MYO6: variants seen among roughly 807,000 people sequenced by gnomAD.
MYO6 encodes myosin VI.
Under a neutral mutation model 178.7 loss-of-function variants are expected in MYO6, and 74 were observed. The ratio of observed to expected loss-of-function variants is 0.41; its 90% CI spans 0.34 to 0.50. The LOEUF is 0.50. MYO6 is among the 20% of genes least tolerant of loss of function. The pLI, the probability that MYO6 is intolerant of heterozygous loss-of-function variation, is 0.09. For missense variants in MYO6, 1,330 were observed against 1,547.4 expected, an observed-to-expected ratio of 0.86 and a Z score of 2.36; for synonymous variants, 477 against 504.6, an observed-to-expected ratio of 0.95 and a Z score of 0.73.
At chr6:75,808,525 G>A (rs776273030) in intron 1 of MYO6, among the ~76,000 whole-genome samples, 1 of 152,088 alleles carries the variant, frequency 6.6e-6, no homozygotes, top group Non-Finnish European at 1.5e-5. Flanking sequence ...TATGAATTTG[G>A]GGGGAACAAA....
rs537613798 is a variant in MYO6 at position 75,876,666 on chromosome 6, C to A, written c.2078-3154C>A. ...CTGATGAATGCTTTAGCTAGGATTC[C>A]TCTTTCAATAAGCAGTATATTTCAA... On this transcript the variant is annotated intron_variant, in intron 20 of 34. Coordinates refer to ENST00000369977, the MANE Select transcript of MYO6 (RefSeq NM_004999.4). Among the ~76,000 whole-genome samples, 11 of 152,242 alleles carry A rather than the reference C, an allele frequency of 7.2e-5. No individual in the cohort carries two copies. The South Asian group carries it at 2.3e-3, about 32-fold the overall frequency.
chr6:75,910,689 T>G (rs1371009353), intron 32 of MYO6, among the ~76,000 whole-genome samples: 1 of 152,156 alleles, frequency 6.6e-6, no homozygotes, highest in Non-Finnish European at 1.5e-5. Context: ...CTCTGAAAAG[T>G]ACTTTTTTTT....
chr6:75,841,486 C>T (rs970354539), intron 9 of MYO6, 108 bp downstream of exon 9: 55 of 1,048,570 alleles, frequency 5.2e-5, no homozygotes, highest in Middle Eastern at 6.2e-4. Context: ...CCTGGGAGTT[C>T]GAGAGCAGCC....
intron 3 of MYO6, among the ~76,000 whole-genome samples, chr6:75,826,062 A>G (rs1444233720): frequency 6.6e-6 from 1 of 152,200 alleles, no homozygotes; most frequent in Non-Finnish European, 1.5e-5. Flanking sequence ...AGGACTGACT[A>G]CTAGGAAAGG....
In MYO6 at chr6:75,915,645, G is replaced by A. The variant is rs554259930; in HGVS notation, c.*633G>A. On this transcript the variant is annotated 3_prime_UTR_variant, in exon 35 of 35. Coordinates refer to ENST00000369977, the MANE Select transcript of MYO6 (RefSeq NM_004999.4). ...TATTCTGTGATAAGAGGTACTAATA[G>A]TATCCAGCACAGATTTGCTTTTCTT... 4 of 153,644 alleles carry A rather than the reference G, an allele frequency of 2.6e-5. No homozygotes were observed. The highest frequency in any genetic ancestry group is 4.4e-5 in the Non-Finnish European group (3 of 68,904). 9.5% of individuals were successfully genotyped at this position (153,644 alleles called of 1,614,324 possible). A position where few individuals can be genotyped will look rare whatever the true frequency, so the allele number is the denominator to read the frequency against.
intron 6 of MYO6, among the ~76,000 whole-genome samples, chr6:75,835,172 A>G (rs1019094058): frequency 2.0e-5 from 3 of 152,232 alleles, no homozygotes; most frequent in Non-Finnish European, 4.4e-5. Flanking sequence ...AAAGGCTTTG[A>G]CATCTCCTAT....
intron 10 of MYO6, among the ~76,000 whole-genome samples, chr6:75,847,198 A>T (rs1451620665): frequency 6.6e-6 from 1 of 152,026 alleles, no homozygotes; most frequent in African/African-American, 2.4e-5. Context: ...GCTGCATGTG[A>T]TTGTTTCCTT....
At position 75,818,812 on chromosome 6, in the gene MYO6, C is replaced by A. The variant is rs546172652; in HGVS notation, c.117+1148C>A. ...TCAGGACAGGAAAGACAAAGTGTTT[C>A]TGGTTTTTCCTCTTATTAGCAGGTA... On this transcript the variant is annotated intron_variant, in intron 2 of 34. Coordinates refer to ENST00000369977, the MANE Select transcript of MYO6 (RefSeq NM_004999.4). Among the ~76,000 whole-genome samples, 18 of 152,108 alleles carry A rather than the reference C, an allele frequency of 1.2e-4. No individual in the cohort carries two copies. In the East Asian group the frequency reaches 3.5e-3, roughly 29 times the overall value.
At chr6:75,815,831 T>A (rs955455960) in intron 1 of MYO6, among the ~76,000 whole-genome samples, 1 of 152,254 alleles carries the variant, frequency 6.6e-6, no homozygotes, top group Non-Finnish European at 1.5e-5. Flanking sequence ...AGGAGGATTA[T>A]GGCACATGAA....
At chr6:75,900,798 A>C (rs1779706400) in intron 30 of MYO6, among the ~76,000 whole-genome samples, 1 of 151,528 alleles carries the variant, frequency 6.6e-6, no homozygotes, top group Non-Finnish European at 1.5e-5. Flanking sequence ...TTAGACATGA[A>C]GTCCTTGCCC....
At chr6:75,773,423 G>A (rs1376266430) in intron 1 of MYO6, among the ~76,000 whole-genome samples, 2 of 152,210 alleles carry the variant, frequency 1.3e-5, no homozygotes, top group Non-Finnish European at 2.9e-5. Flanking sequence ...ATTCAGACAT[G>A]TTTCAAATGC....
chr6:75,782,695 CT>C (rs1767106344), intron 1 of MYO6, among the ~76,000 whole-genome samples: 1 of 151,988 alleles, frequency 6.6e-6, no homozygotes, highest in Admixed American at 6.6e-5. Flanking sequence ...TCTCTTTTCC[CT>C]TTTTAGCCTG....
intron 23 of MYO6, among the ~76,000 whole-genome samples, chr6:75,884,108 C>G (rs1240953341): frequency 6.6e-6 from 1 of 152,168 alleles, no homozygotes; most frequent in Non-Finnish European, 1.5e-5. Flanking sequence ...TCATCTGTTA[C>G]ACCATTCATT....
chr6:75,862,328 A>G (rs1245897440), intron 15 of MYO6, among the ~76,000 whole-genome samples: 1 of 152,238 alleles, frequency 6.6e-6, no homozygotes, highest in Non-Finnish European at 1.5e-5. Context: ...CCTGGTTTAC[A>G]AATGGAATGG....
chr6:75,859,667 CTTTTTTTTT>C (rs34957875), intron 14 of MYO6, among the ~76,000 whole-genome samples: 2 of 118,292 alleles, frequency 1.7e-5, no homozygotes, highest in Non-Finnish European at 3.5e-5. Flanking sequence ...ATCTCCCACT[CTTTTTTTTT>C]TTTTTTTTTG....
At chr6:75,775,950 A>G (rs543743110) in intron 1 of MYO6, among the ~76,000 whole-genome samples, 1 of 152,246 alleles carries the variant, frequency 6.6e-6, no homozygotes, top group East Asian at 1.9e-4. Context: ...TGTGTAGCGT[A>G]TCATTTCTTT....
At chr6:75,842,065 T>C (rs1774286029) in intron 9 of MYO6, among the ~76,000 whole-genome samples, 2 of 152,232 alleles carry the variant, frequency 1.3e-5, no homozygotes, top group Admixed American at 6.5e-5. Flanking sequence ...TTGAATTTCT[T>C]AATTTACTTC....
intron 23 of MYO6, 74 bp from the exon 24 acceptor site, chr6:75,885,930 A>C (rs1359573539): frequency 1.1e-6 from 1 of 888,602 alleles, no homozygotes. Flanking sequence ...TACTTTGTGA[A>C]AATGAGTTTT....
At chr6:75,751,072 CT>C (rs2149942208) in intron 1 of MYO6, among the ~76,000 whole-genome samples, 1 of 152,218 alleles carries the variant, frequency 6.6e-6, no homozygotes, top group Non-Finnish European at 1.5e-5. Flanking sequence ...AAAAAATTAC[CT>C]TTGTGCCTTT....
Sources: gnomAD v4.1 joint callset for allele counts (sites outside exome capture counted in the v4.1 genomes callset) on GRCh38, gnomAD v4.1.1 for gene constraint, MANE v1.5 for transcripts, NCBI Gene and HGNC (gene_info 2026-07-23, HGNC 2026-07-21) for gene names.